Variants in ATP13A4 observed in about 807,000 individuals in gnomAD.
ATP13A4 encodes ATPase 13A4, also known as probable cation-transporting ATPase 13A4.
Under a neutral mutation model 142.5 loss-of-function variants are expected in ATP13A4, and 114 were observed. The observed-to-expected ratio is 0.80, with a 90% CI of 0.69 to 0.93. The LOEUF (loss-of-function observed/expected upper bound fraction) is 0.93. Among genes scored for constraint, ATP13A4 ranks in the 40% least tolerant of loss-of-function variants. ATP13A4 has a pLI of 0.00. For synonymous variants in ATP13A4, 488 were observed against 514.8 expected, an observed-to-expected ratio of 0.95 and a Z score of 0.70; for missense variants, 1,392 against 1,454.0, an observed-to-expected ratio of 0.96 and a Z score of 0.69.
intron 16 of ATP13A4, 122 bp from the exon 17 acceptor site, chr3:193,454,334 C>T: frequency 1.3e-6 from 1 of 745,418 alleles, no homozygotes; most frequent in South Asian, 1.5e-5. Context: ...GATATGTAAA[C>T]AAGTCAGTTG....
intron 10 of ATP13A4, 43 bp downstream of exon 10, chr3:193,467,272 CA>C: frequency 1.2e-6 from 2 of 1,607,514 alleles, no homozygotes; most frequent in Non-Finnish European, 1.7e-6. Context: ...ACAAACTGGG[CA>C]AAAGTATACC....
At chr3:193,525,014 G>A (rs1369224189) in intron 1 of ATP13A4, among the ~76,000 whole-genome samples, 3 of 152,116 alleles carry the variant, frequency 2.0e-5, no homozygotes, top group Admixed American at 1.3e-4. Context: ...CAATCTGTTA[G>A]AATGTAAGCT....
chr3:193,487,816 T>C (rs1356884861), intron 7 of ATP13A4, among the ~76,000 whole-genome samples: 1 of 152,194 alleles, frequency 6.6e-6, no homozygotes, highest in Non-Finnish European at 1.5e-5. Flanking sequence ...TGAAAAGATA[T>C]ATGTGCAAGG....
intron 1 of ATP13A4, among the ~76,000 whole-genome samples, chr3:193,552,641 G>A (rs1293557771): frequency 6.6e-6 from 1 of 152,188 alleles, no homozygotes; most frequent in Non-Finnish European, 1.5e-5. Flanking sequence ...TGAAGGAAGG[G>A]AATGTGTTCT....
chr3:193,416,391 C>G (rs139664385), intron 25 of ATP13A4, among the ~76,000 whole-genome samples: 54 of 152,190 alleles, frequency 3.5e-4, no homozygotes, highest in Admixed American at 6.5e-4. Context: ...AAACAACTAT[C>G]TTAAATATGC....
Position 193,503,995 on chromosome 3 carries a change from A to ATG in ATP13A4, c.235-1358_235-1357dup, listed in dbSNP as rs554927410. On this transcript the variant is annotated intron_variant, in intron 2 of 29. Coordinates refer to ENST00000342695, the MANE Select transcript of ATP13A4 (RefSeq NM_032279.4). The stretch of plus-strand genomic sequence containing the variant: ...CAGGCTTAGCACAGGTTCTGTGTGC[A>ATG]TGTGTGTGTGTGTGTGTGTGTGTGT... Among the ~76,000 whole-genome samples, 1,235 of 136,144 alleles carry ATG rather than the reference A, an allele frequency of 9.1e-3. 11 individuals carry two copies. Among genetic ancestry groups the ATG allele is most frequent in the South Asian group, 0.03 (126 of 4,150 alleles). The allele number at this position is 136,144 out of a possible 152,430, so 89.3% of individuals were successfully genotyped here. A position where few individuals can be genotyped will look rare whatever the true frequency, so the allele number is the denominator to read the frequency against.
rs183550530 is a variant in ATP13A4 at position 193,501,765 on chromosome 3, A to C, written c.381+728T>G. On this transcript the variant is annotated intron_variant, in intron 3 of 29. Coordinates refer to ENST00000342695, the MANE Select transcript of ATP13A4 (RefSeq NM_032279.4). ...TGTCTTATAAAATGTTTTTAATATG[A>C]ATGTTAACTAGTCATAATCCAAGCA... Among the ~76,000 whole-genome samples the C allele has an allele frequency of 2.0e-5, 3 of 152,226 alleles. No homozygotes were observed. The East Asian group carries it at 5.8e-4, about 29-fold the overall frequency.
At chr3:193,407,147 G>C (rs781250261) in intron 29 of ATP13A4, among the ~76,000 whole-genome samples, 166 bp downstream of exon 29, 1 of 152,052 alleles carries the variant, frequency 6.6e-6, no homozygotes, top group African/African-American at 2.4e-5. Flanking sequence ...GTCCTGCTTG[G>C]GACTCATCAG....
chr3:193,501,350 G>A (rs1283709182), intron 3 of ATP13A4, among the ~76,000 whole-genome samples: 8 of 152,288 alleles, frequency 5.3e-5, no homozygotes, highest in Admixed American at 2.6e-4. Flanking sequence ...CACTTTGGGA[G>A]GCTGAGGTTG....
intron 1 of ATP13A4, among the ~76,000 whole-genome samples, chr3:193,541,306 T>C (rs1399580872): frequency 6.6e-6 from 1 of 151,048 alleles, no homozygotes; most frequent in Non-Finnish European, 1.5e-5. Flanking sequence ...AAAAGCCTTT[T>C]TCTACCTGCT....
At chr3:193,504,405 TAATAACAGTTAATA>T (rs1720746476) in intron 2 of ATP13A4, among the ~76,000 whole-genome samples, 1 of 152,208 alleles carries the variant, frequency 6.6e-6, no homozygotes, top group Admixed American at 6.5e-5. Context: ...TTTCCATTTC[TAATAACAGTTAATA>T]TTTATTTCAC....
intron 3 of ATP13A4, among the ~76,000 whole-genome samples, chr3:193,494,580 G>A (rs574982028): frequency 2.0e-4 from 31 of 152,042 alleles, no homozygotes; most frequent in South Asian, 1.0e-3. Context: ...TGAGACAAGT[G>A]AAAATGAAAA....
intron 25 of ATP13A4, among the ~76,000 whole-genome samples, chr3:193,420,049 C>T (rs1458196794): frequency 5.3e-5 from 8 of 149,748 alleles, no homozygotes; most frequent in African/African-American, 2.0e-4. Flanking sequence ...GCAGCTGTAC[C>T]CTGCTCCCTG....
intron 2 of ATP13A4, among the ~76,000 whole-genome samples, chr3:193,568,343 G>GA (rs1320743636): frequency 2.0e-5 from 3 of 152,104 alleles, no homozygotes; most frequent in Admixed American, 1.3e-4. Context: ...TTCTCTAGGG[G>GA]AAAAAAATGG....
chr3:193,427,582 T>C (rs1219335109), intron 25 of ATP13A4, among the ~76,000 whole-genome samples: 1 of 150,770 alleles, frequency 6.6e-6, no homozygotes, highest in Non-Finnish European at 1.5e-5. Context: ...CAAAAGAGCA[T>C]GGTACAGAGA....
At chr3:193,526,055 T>C (rs1261386461) in intron 1 of ATP13A4, among the ~76,000 whole-genome samples, 1 of 152,202 alleles carries the variant, frequency 6.6e-6, no homozygotes, top group Non-Finnish European at 1.5e-5. Flanking sequence ...TTTCAAGATA[T>C]GCATACTGCT....
intron 26 of ATP13A4, among the ~76,000 whole-genome samples, chr3:193,412,625 GAGAC>G (rs1714832584): frequency 6.6e-6 from 1 of 151,938 alleles, no homozygotes; most frequent in African/African-American, 2.4e-5. Flanking sequence ...GAGAGAGAGA[GAGAC>G]AGAGAGAGAG....
At chr3:193,418,513 C>T (rs1715233223) in intron 25 of ATP13A4, among the ~76,000 whole-genome samples, 1 of 149,356 alleles carries the variant, frequency 6.7e-6, no homozygotes, top group Non-Finnish European at 1.5e-5. Context: ...TGGCCACATA[C>T]TGGTTTCTAT....
intron 8 of ATP13A4, among the ~76,000 whole-genome samples, chr3:193,483,583 G>T (rs1719424038): frequency 6.6e-6 from 1 of 152,074 alleles, no homozygotes; most frequent in Non-Finnish European, 1.5e-5. Context: ...TCCTGCCTCA[G>T]CCTCCTGAAT....
Sources: allele counts gnomAD v4.1 joint callset (sites outside exome capture counted in the v4.1 genomes callset), GRCh38; gene constraint gnomAD v4.1.1; transcripts MANE v1.5; gene names NCBI Gene and HGNC (gene_info 2026-07-23, HGNC 2026-07-21).